ENTREP2: variants seen among roughly 807,000 people sequenced by gnomAD.
ENTREP2 encodes protein ENTREP2.
chr15:29,513,555 A>C, the ENTREP2 span, among the ~76,000 whole-genome samples: 1 of 152,192 alleles, frequency 6.6e-6, no homozygotes, highest in Non-Finnish European at 1.5e-5. Context: ...GATACAGGGG[A>C]GAGTGCATGA....
At chr15:29,159,983 GC>G in the ENTREP2 span, among the ~76,000 whole-genome samples, 1 of 152,374 alleles carries the variant, frequency 6.6e-6, no homozygotes, top group Admixed American at 6.5e-5. Flanking sequence ...GGCGGCGCTC[GC>G]CCGGGAGGCT....
chr15:29,279,940 GA>G, the ENTREP2 span, among the ~76,000 whole-genome samples: 1,629 of 144,886 alleles, frequency 0.011, 28 homozygotes, highest in African/African-American at 0.035. Flanking sequence ...TGCTCGCCTG[GA>G]AAAAAAAAAA....
chr15:29,424,840 C>T, the ENTREP2 span, among the ~76,000 whole-genome samples: 2 of 152,184 alleles, frequency 1.3e-5, no homozygotes, highest in Non-Finnish European at 2.9e-5. Context: ...CCACTGCAGG[C>T]ACAAGACCAG....
At chr15:29,626,887 C>A in the ENTREP2 span, among the ~76,000 whole-genome samples, 3 of 151,952 alleles carry the variant, frequency 2.0e-5, no homozygotes, top group Non-Finnish European at 4.4e-5. Flanking sequence ...AAAACAAATA[C>A]AATAAAAAAA....
At chr15:29,474,735 A>C in the ENTREP2 span, among the ~76,000 whole-genome samples, 1 of 151,960 alleles carries the variant, frequency 6.6e-6, no homozygotes, top group South Asian at 2.1e-4. Flanking sequence ...TTGTATCGTT[A>C]GAACAGACAG....
chr15:29,352,207 T>C, the ENTREP2 span, among the ~76,000 whole-genome samples: 2 of 152,140 alleles, frequency 1.3e-5, no homozygotes, highest in Admixed American at 1.3e-4. Context: ...AGCACTGGGA[T>C]TACAGGTGTG....
the ENTREP2 span, among the ~76,000 whole-genome samples, chr15:29,551,196 T>C: frequency 6.6e-6 from 1 of 152,188 alleles, no homozygotes; most frequent in Non-Finnish European, 1.5e-5. Context: ...CAATCCTCCC[T>C]GCAGCTAGAG....
chr15:29,223,522 G>A, the ENTREP2 span, among the ~76,000 whole-genome samples: 1 of 152,148 alleles, frequency 6.6e-6, no homozygotes, highest in Admixed American at 6.5e-5. Context: ...CACATACATG[G>A]GTTGACTCAG....
the ENTREP2 span, among the ~76,000 whole-genome samples, chr15:29,645,474 C>G: frequency 1.3e-5 from 2 of 152,190 alleles, no homozygotes; most frequent in African/African-American, 4.8e-5. Context: ...TGCCTCCCTG[C>G]AACCTCACCA....
chr15:29,522,584 T>A, the ENTREP2 span, among the ~76,000 whole-genome samples: 2 of 152,212 alleles, frequency 1.3e-5, no homozygotes, highest in East Asian at 1.9e-4. Context: ...GTGAGCTTTG[T>A]GGCACATTAG....
At chr15:29,556,196 G>A in the ENTREP2 span, among the ~76,000 whole-genome samples, 6 of 152,160 alleles carry the variant, frequency 3.9e-5, no homozygotes, top group Admixed American at 3.3e-4. Context: ...GGTTGAGGCT[G>A]CAGTGAGCCG....
chr15:29,304,613 A>G, the ENTREP2 span, among the ~76,000 whole-genome samples: 1 of 152,164 alleles, frequency 6.6e-6, no homozygotes, highest in African/African-American at 2.4e-5. Context: ...GGGCCTTTAA[A>G]AAATTAAGCC....
chr15:29,373,485 C>T, the ENTREP2 span: 1 of 152,088 alleles, frequency 6.6e-6, no homozygotes, highest in East Asian at 1.9e-4. Flanking sequence ...ATGGAGGCTC[C>T]TCCAGTTTAG....
At chr15:29,223,338 G>T in the ENTREP2 span, among the ~76,000 whole-genome samples, 1 of 152,152 alleles carries the variant, frequency 6.6e-6, no homozygotes, top group Non-Finnish European at 1.5e-5. Flanking sequence ...GAGTTTGTCT[G>T]GCTTGGCTCC....
chr15:29,172,390 G>A, the ENTREP2 span, among the ~76,000 whole-genome samples: 1 of 152,182 alleles, frequency 6.6e-6, no homozygotes, highest in Non-Finnish European at 1.5e-5. Flanking sequence ...CTAGATGGTT[G>A]GAAGTGTCAG....
At chr15:29,663,705 G>C in the ENTREP2 span, among the ~76,000 whole-genome samples, 1 of 152,062 alleles carries the variant, frequency 6.6e-6, no homozygotes, top group Non-Finnish European at 1.5e-5. Flanking sequence ...ACACCCCGCG[G>C]CCTGTTGTGG....
chr15:29,558,534 AC>A, the ENTREP2 span, among the ~76,000 whole-genome samples: 1 of 147,758 alleles, frequency 6.8e-6, no homozygotes, highest in Admixed American at 6.7e-5. Context: ...CTCCCCTCAA[AC>A]CCTTCACCCA....
chr15:29,134,104 C>T, the ENTREP2 span, among the ~76,000 whole-genome samples: 2 of 152,190 alleles, frequency 1.3e-5, no homozygotes, highest in Non-Finnish European at 2.9e-5. Context: ...CTGGGCTCCC[C>T]TTGCAGTGCT....
At chr15:29,390,347 C>T in the ENTREP2 span, among the ~76,000 whole-genome samples, 1 of 152,110 alleles carries the variant, frequency 6.6e-6, no homozygotes, top group African/African-American at 2.4e-5. Context: ...TATCATTATT[C>T]AGAGTCCACA....
Sources: allele counts gnomAD v4.1 joint callset (sites outside exome capture counted in the v4.1 genomes callset), GRCh38; gene constraint gnomAD v4.1.1; transcripts MANE v1.5; gene names NCBI Gene and HGNC (gene_info 2026-07-23, HGNC 2026-07-21).